OLFM3: variants seen among roughly 807,000 people sequenced by gnomAD.
OLFM3 encodes the protein noelin-3.
Under a neutral mutation model 48.6 loss-of-function variants are expected in OLFM3, and 20 were observed. The observed-to-expected ratio is 0.41, with a 90% CI of 0.29 to 0.60. The LOEUF (loss-of-function observed/expected upper bound fraction) is 0.60. OLFM3 is among the 20% of genes least tolerant of loss of function. The probability of loss-of-function intolerance (pLI) is 0.28; values close to 1 mark genes in which losing one functional copy is unlikely to be tolerated. For missense variants in OLFM3, 437 were observed against 544.3 expected, an observed-to-expected ratio of 0.80 and a Z score of 1.96; for synonymous variants, 222 against 198.1, an observed-to-expected ratio of 1.12 and a Z score of -1.01.
intron 1 of OLFM3, among the ~76,000 whole-genome samples, chr1:101,931,101 G>T (rs1659430797): frequency 6.6e-6 from 1 of 152,100 alleles, no homozygotes; most frequent in Non-Finnish European, 1.5e-5. Context: ...CTAGTTTCAG[G>T]TTACTTTCAA....
intron 1 of OLFM3, chr1:101,837,672 C>T (rs1557696391): frequency 6.6e-6 from 1 of 152,182 alleles, no homozygotes; most frequent in Non-Finnish European, 1.5e-5. Context: ...TCTTAGAACT[C>T]AAGTGTGAAG....
chr1:101,994,110 T>A (rs1661492507), intron 1 of OLFM3, among the ~76,000 whole-genome samples: 1 of 151,696 alleles, frequency 6.6e-6, no homozygotes, highest in Non-Finnish European at 1.5e-5. Context: ...GTATTTGATA[T>A]ATGTAAAATC....
chr1:101,973,247 C>A (rs760669892), intron 1 of OLFM3, among the ~76,000 whole-genome samples: 1 of 152,176 alleles, frequency 6.6e-6, no homozygotes, highest in Non-Finnish European at 1.5e-5. Flanking sequence ...TGATGGCCTG[C>A]GAACCAGGTG....
chr1:101,961,287 A>G (rs573908600), intron 1 of OLFM3, among the ~76,000 whole-genome samples: 1 of 152,162 alleles, frequency 6.6e-6, no homozygotes, highest in Admixed American at 6.5e-5. Flanking sequence ...TAATTTGTAA[A>G]TGGAAAATTT....
chr1:101,959,266 A>G (rs1252717390), intron 1 of OLFM3, among the ~76,000 whole-genome samples: 3 of 152,112 alleles, frequency 2.0e-5, no homozygotes, highest in South Asian at 2.1e-4. Flanking sequence ...ATAAAGCCAA[A>G]CAAGATAGGT....
At chr1:101,819,776 T>C (rs553699265) in intron 4 of OLFM3, among the ~76,000 whole-genome samples, 1 of 152,192 alleles carries the variant, frequency 6.6e-6, no homozygotes, top group Non-Finnish European at 1.5e-5. Context: ...GTCTTTGAAC[T>C]CAGAAGGACT....
At chr1:101,849,754 C>G (rs927026578) in intron 1 of OLFM3, among the ~76,000 whole-genome samples, 8 of 152,092 alleles carry the variant, frequency 5.3e-5, no homozygotes. Context: ...AATTGGCAGT[C>G]CTTAGTGACT....
At chr1:101,849,882 T>C (rs1000023449) in intron 1 of OLFM3, among the ~76,000 whole-genome samples, 2 of 152,160 alleles carry the variant, frequency 1.3e-5, no homozygotes, top group African/African-American at 2.4e-5. Context: ...ATGAAGAAGA[T>C]AGAATTTATT....
chr1:101,953,290 G>C (rs900082844), intron 1 of OLFM3, among the ~76,000 whole-genome samples: 11 of 151,976 alleles, frequency 7.2e-5, no homozygotes, highest in African/African-American at 1.9e-4. Context: ...TGGCTTGTGG[G>C]CATTCGTCCC....
intron 3 of OLFM3, among the ~76,000 whole-genome samples, chr1:101,829,953 G>T (rs1655065020): frequency 6.6e-6 from 1 of 151,792 alleles, no homozygotes. Context: ...TCCTGCCTCA[G>T]CCTCCCGAGT....
intron 1 of OLFM3, among the ~76,000 whole-genome samples, chr1:101,967,311 A>T (rs1308452287): frequency 1.8e-5 from 1 of 55,562 alleles, no homozygotes; most frequent in Non-Finnish European, 3.9e-5. Flanking sequence ...AAAACAAAAA[A>T]AACAAATACC....
chr1:101,912,309 T>A (rs1039020730), intron 1 of OLFM3, among the ~76,000 whole-genome samples: 15 of 152,200 alleles, frequency 9.9e-5, no homozygotes, highest in African/African-American at 3.6e-4. Context: ...TCTCAACTAA[T>A]AGGAGATCTG....
At chr1:101,817,471 C>T (rs926806929) in intron 4 of OLFM3, among the ~76,000 whole-genome samples, 2 of 152,112 alleles carry the variant, frequency 1.3e-5, no homozygotes, top group African/African-American at 4.8e-5. Flanking sequence ...GACTTTTGGA[C>T]TTTAAATTTC....
intron 1 of OLFM3, among the ~76,000 whole-genome samples, chr1:101,962,092 A>G (rs1660484625): frequency 6.6e-6 from 1 of 152,174 alleles, no homozygotes; most frequent in Non-Finnish European, 1.5e-5. Context: ...TAGTGAAGCT[A>G]AATTAAAAGT....
intron 1 of OLFM3, among the ~76,000 whole-genome samples, chr1:101,897,475 A>G (rs1241640652): frequency 6.6e-6 from 1 of 152,158 alleles, no homozygotes; most frequent in Non-Finnish European, 1.5e-5. Context: ...GTGAATGCCA[A>G]ATTATAATGA....
At chr1:101,834,546 A>C (rs1655310863) in intron 2 of OLFM3, among the ~76,000 whole-genome samples, 1 of 152,192 alleles carries the variant, frequency 6.6e-6, no homozygotes, top group Non-Finnish European at 1.5e-5. Flanking sequence ...AGTCTGAAAT[A>C]CTGTGATATC....
chr1:101,846,540 C>CAT (rs772041353), intron 1 of OLFM3, among the ~76,000 whole-genome samples: 439 of 149,738 alleles, frequency 2.9e-3, no homozygotes, highest in Non-Finnish European at 3.7e-3. Context: ...AGAAACAAAA[C>CAT]ATATATATAT....
intron 1 of OLFM3, among the ~76,000 whole-genome samples, chr1:101,886,887 T>G (rs1048528625): frequency 1.3e-5 from 2 of 152,128 alleles, no homozygotes; most frequent in African/African-American, 4.8e-5. Flanking sequence ...AGTCATCTCC[T>G]ATGACAGGCT....
chr1:101,880,664 A>G (rs1284819783), intron 1 of OLFM3, among the ~76,000 whole-genome samples: 2 of 151,776 alleles, frequency 1.3e-5, no homozygotes, highest in Admixed American at 6.6e-5. Context: ...TAATTTTGAA[A>G]TATTAAGGTC....
Sources: gnomAD v4.1 joint callset for allele counts (sites outside exome capture counted in the v4.1 genomes callset) on GRCh38, gnomAD v4.1.1 for gene constraint, MANE v1.5 for transcripts, NCBI Gene and HGNC (gene_info 2026-07-23, HGNC 2026-07-21) for gene names.